Variants in FOXK2 observed in about 807,000 individuals in gnomAD.
FOXK2 encodes forkhead box K2.
A neutral mutation model predicts 53.3 loss-of-function variants in FOXK2; 24 were observed. That is an observed-to-expected ratio of 0.45 (90% CI 0.33 to 0.63). The LOEUF (loss-of-function observed/expected upper bound fraction) is 0.63, where lower values mean the gene tolerates loss of function less well. Ranked by LOEUF, FOXK2 falls within the 30% of genes least tolerant of loss-of-function variation. The pLI is 0.03. For synonymous variants in FOXK2, 505 were observed against 407.1 expected (o/e 1.24, Z -2.89); for missense variants, 952 against 910.5 (o/e 1.05, Z -0.59).
chr17:82,572,010 T>C (rs912051731), intron 4 of FOXK2, 140 bp downstream of exon 4: 17 of 756,150 alleles, frequency 2.2e-5, no homozygotes, highest in Non-Finnish European at 3.1e-5. Context: ...GGAAGAGGAG[T>C]TGGGGGCCGG....
chr17:82,584,272 G>T lies in FOXK2; in HGVS notation c.1279+84G>T. 2.1e-6 allele frequency: 3 copies of T among 1,396,732 alleles called. No individual in the cohort carries two copies. The South Asian group carries it at 4.4e-5, about 21-fold the overall frequency. The allele number at this position is 1,396,732 out of a possible 1,614,324, so 86.5% of individuals were successfully genotyped here. A position where few individuals can be genotyped will look rare whatever the true frequency, so the allele number is the denominator to read the frequency against. On this transcript the variant is annotated intron_variant, in intron 6 of 8. Transcript: ENST00000335255. Reference sequence around the variant, plus strand: ...GGGCTCCACAGAGAAGAAACAGCCGGACTGGAGGCCTGCCTGTCCCTCTGT... The same window carrying T: ...GGGCTCCACAGAGAAGAAACAGCCGTACTGGAGGCCTGCCTGTCCCTCTGT...
At chr17:82,566,059 G>A (rs998159529) in intron 2 of FOXK2, among the ~76,000 whole-genome samples, 1 of 152,126 alleles carries the variant, frequency 6.6e-6, no homozygotes, top group African/African-American at 2.4e-5. Flanking sequence ...GAGGTGGCCA[G>A]GGGCTGGGGG....
At chr17:82,528,799 T>C (rs1421322040) in intron 1 of FOXK2, among the ~76,000 whole-genome samples, 1 of 152,250 alleles carries the variant, frequency 6.6e-6, no homozygotes, top group Non-Finnish European at 1.5e-5. Flanking sequence ...GAGAATTCCG[T>C]AGATTTCTAG....
intron 8 of FOXK2, among the ~76,000 whole-genome samples, chr17:82,596,455 G>T (rs770397451): frequency 6.6e-6 from 1 of 152,208 alleles, no homozygotes; most frequent in Non-Finnish European, 1.5e-5. Context: ...CAGAGGTGGC[G>T]TCAGGACGTG....
chr17:82,586,904 A>C (rs368396312), intron 7 of FOXK2, among the ~76,000 whole-genome samples, 159 bp from the exon 8 acceptor site: 24 of 152,122 alleles, frequency 1.6e-4, no homozygotes, highest in African/African-American at 5.1e-4. Context: ...CATCTCAAAA[A>C]ACAAAAAAAA....
chr17:82,595,268 A>T (rs951602987), intron 8 of FOXK2, among the ~76,000 whole-genome samples: 1 of 152,160 alleles, frequency 6.6e-6, no homozygotes, highest in Non-Finnish European at 1.5e-5. Context: ...GAGGTGTCAC[A>T]AGGTAAGTGG....
chr17:82,541,042 C>T (rs2044569852), intron 1 of FOXK2, among the ~76,000 whole-genome samples: 1 of 152,032 alleles, frequency 6.6e-6, no homozygotes, highest in South Asian at 2.1e-4. Context: ...GGAGTAGGCC[C>T]TCCCAGCGGT....
At chr17:82,563,159 C>G (rs565897573) in intron 1 of FOXK2, among the ~76,000 whole-genome samples, 195 bp from the exon 2 acceptor site, 2 of 152,202 alleles carry the variant, frequency 1.3e-5, no homozygotes, top group African/African-American at 4.8e-5. Context: ...CGTTTTCTTA[C>G]TGGTGTTTTT....
rs371491887 is a variant in FOXK2 at position 82,524,980 on chromosome 17, C to CTTT, written c.419+4686_419+4688dup. On this transcript the variant is annotated intron_variant, in intron 1 of 8. Transcript: ENST00000335255. The stretch of plus-strand genomic sequence containing the variant: ...AATGCCCTCTTTGAGGACAAGGTGG[C>CTTT]TTTTTTTTTTTTTTTAAATCGGTCT... Among the ~76,000 whole-genome samples the CTTT allele has an allele frequency of 1.0e-3, 142 of 138,266 alleles. 1 individual carries two copies. In the East Asian group the frequency reaches 0.011, roughly 11 times the overall value. 90.7% of individuals were successfully genotyped at this position (138,266 alleles called of 152,430 possible).
intron 8 of FOXK2, chr17:82,600,318 CTG>C (rs2045369287): frequency 6.6e-6 from 1 of 152,292 alleles, no homozygotes; most frequent in Non-Finnish European, 1.5e-5. Context: ...TCTGCCCACT[CTG>C]TTGTGGGGCC....
At chr17:82,588,886 TAAAAA>T (rs71369024) in intron 8 of FOXK2, among the ~76,000 whole-genome samples, 5 of 122,060 alleles carry the variant, frequency 4.1e-5, no homozygotes, top group African/African-American at 3.1e-5. Flanking sequence ...CCATTTCTAC[TAAAAA>T]AAAAAAAAAA....
At chr17:82,554,368 A>G (rs775940211) in intron 1 of FOXK2, among the ~76,000 whole-genome samples, 1 of 152,166 alleles carries the variant, frequency 6.6e-6, no homozygotes, top group Admixed American at 6.6e-5. Context: ...CTTCTTCGTG[A>G]GTCTGTTAAT....
intron 1 of FOXK2, among the ~76,000 whole-genome samples, chr17:82,529,639 G>A (rs1056371633): frequency 3.3e-5 from 5 of 152,122 alleles, no homozygotes; most frequent in African/African-American, 9.7e-5. Context: ...GCTTGCCTCG[G>A]CCTCCCAAAG....
At chr17:82,597,264 T>C (rs2143173900) in intron 8 of FOXK2, among the ~76,000 whole-genome samples, 1 of 152,360 alleles carries the variant, frequency 6.6e-6, no homozygotes, top group Admixed American at 6.5e-5. Flanking sequence ...TCAGCATCTT[T>C]AGATCAACAG....
At position 82,601,732 on chromosome 17, in the gene FOXK2, G is replaced by T; in HGVS notation, c.*233G>T. 2.2e-6 allele frequency: 1 copy of T among 457,716 alleles called. No individual in the cohort carries two copies. The highest frequency in any genetic ancestry group is 4.0e-6 in the Non-Finnish European group (1 of 253,086). 28.4% of individuals were successfully genotyped at this position (457,716 alleles called of 1,614,324 possible). A position where few individuals can be genotyped will look rare whatever the true frequency, so the allele number is the denominator to read the frequency against. The stretch of plus-strand genomic sequence containing the variant: ...ACGGTGTCTCCACTGAGCACCTGCT[G>T]GGCTGAGCTTCTACCTACGAGTGAA... On this transcript the variant is annotated 3_prime_UTR_variant, in exon 9 of 9. Coordinates refer to ENST00000335255, the MANE Select transcript of FOXK2 (RefSeq NM_004514.4).
chr17:82,530,883 T>C (rs2044467045), intron 1 of FOXK2, among the ~76,000 whole-genome samples: 1 of 152,196 alleles, frequency 6.6e-6, no homozygotes, highest in South Asian at 2.1e-4. Flanking sequence ...ATTTTGAGTA[T>C]ATAGAGAATG....
At chr17:82,533,264 G>C (rs1297697662) in intron 1 of FOXK2, among the ~76,000 whole-genome samples, 1 of 152,140 alleles carries the variant, frequency 6.6e-6, no homozygotes, top group Non-Finnish European at 1.5e-5. Flanking sequence ...CCAGGCGGGT[G>C]GATCACCTGA....
At chr17:82,571,702 T>C (rs1308560872) in intron 3 of FOXK2, 22 bp from the exon 4 acceptor site, 2 of 1,496,032 alleles carry the variant, frequency 1.3e-6, no homozygotes, top group Non-Finnish European at 1.8e-6. Context: ...ATATTCGTTT[T>C]GTGTTTGTTT....
chr17:82,527,498 G>A (rs772926231), intron 1 of FOXK2, among the ~76,000 whole-genome samples: 3 of 151,936 alleles, frequency 2.0e-5, no homozygotes, highest in Admixed American at 6.6e-5. Flanking sequence ...GCATGGTGGC[G>A]GATGCCTGTA....
Sources: gnomAD v4.1 joint callset for allele counts (sites outside exome capture counted in the v4.1 genomes callset) on GRCh38, gnomAD v4.1.1 for gene constraint, MANE v1.5 for transcripts, NCBI Gene and HGNC (gene_info 2026-07-23, HGNC 2026-07-21) for gene names.